Variants in MAGI2 observed in about 807,000 individuals in gnomAD.
MAGI2 encodes the protein membrane-associated guanylate kinase, WW and PDZ domain-containing protein 2.
A neutral mutation model predicts 133.3 loss-of-function variants in MAGI2; 35 were observed. That is an observed-to-expected ratio of 0.26 (90% CI 0.20 to 0.35). MAGI2 has a LOEUF of 0.35. Ranked by LOEUF, MAGI2 falls within the 10% of genes least tolerant of loss-of-function variation. The probability of loss-of-function intolerance (pLI) is 1.00; values close to 1 mark genes in which losing one functional copy is unlikely to be tolerated. For synonymous variants in MAGI2, 729 were observed against 710.6 expected (o/e 1.03, Z -0.41); for missense variants, 1,636 against 1,863.4 (o/e 0.88, Z 2.25).
At chr7:78,327,294 T>C (rs756546011) in intron 9 of MAGI2, among the ~76,000 whole-genome samples, 1 of 152,240 alleles carries the variant, frequency 6.6e-6, no homozygotes, top group Non-Finnish European at 1.5e-5. Context: ...GATGGCTTCA[T>C]TGCCATGTCT....
At position 79,104,401 on chromosome 7, in the gene MAGI2, G is replaced by A. The variant is rs568058150; in HGVS notation, c.302-97195C>T. On this transcript the variant is annotated intron_variant, in intron 1 of 21. Transcript: ENST00000354212. ...AACAATTTTTAGGCCGGGCGCCGTG[G>A]CTCTTACCTGTAATCCCAGCACTTT... Among the ~76,000 whole-genome samples the A allele has an allele frequency of 6.6e-5, 10 of 152,256 alleles. No individual in the cohort carries two copies. The South Asian group carries it at 1.7e-3, about 25-fold the overall frequency.
At chr7:78,692,598 T>C (rs529413682) in intron 2 of MAGI2, among the ~76,000 whole-genome samples, 1 of 152,180 alleles carries the variant, frequency 6.6e-6, no homozygotes, top group Non-Finnish European at 1.5e-5. Flanking sequence ...GGTCATTAAT[T>C]TTCCATATTT....
chr7:78,441,471 A>G (rs1440894140), intron 6 of MAGI2, among the ~76,000 whole-genome samples: 3 of 152,208 alleles, frequency 2.0e-5, no homozygotes, highest in African/African-American at 7.2e-5. Context: ...GGCAATAGCA[A>G]TTACTTGTGT....
intron 2 of MAGI2, among the ~76,000 whole-genome samples, chr7:78,776,554 A>T (rs1357707315): frequency 6.6e-6 from 1 of 152,232 alleles, no homozygotes; most frequent in African/African-American, 2.4e-5. Flanking sequence ...CCTATAAACA[A>T]GTCTTTTTTC....
chr7:78,207,357 A>G (rs1787206252), intron 10 of MAGI2, among the ~76,000 whole-genome samples: 1 of 152,216 alleles, frequency 6.6e-6, no homozygotes, highest in South Asian at 2.1e-4. Context: ...AGTTTCCCAA[A>G]GAGGAAAAAA....
In MAGI2 at chr7:78,343,876, C is replaced by T; in HGVS notation, c.1310G>A (p.Gly437Glu). 1 of 1,613,442 alleles carries T rather than the reference C, an allele frequency of 6.2e-7. No individual in the cohort carries two copies. The highest frequency in any genetic ancestry group is 8.5e-7 in the Non-Finnish European group (1 of 1,179,806). The change falls in exon 9 of 22, where the codon GGA becomes GAA. Residue 437 changes from glycine to glutamate, a missense_variant. Physicochemically the swap from Gly to Glu is moderately conservative, Grantham distance 98 (BLOSUM62 -2). This residue lies in a region of MAGI2 where 920 missense variants were observed against 1,093.5 expected (regional missense o/e 0.84). Transcript: ENST00000354212. ...TTLKKSNMGF[G>E]FTIIGGDEPD... ...CTCGTCTCCACCAATGATGGTAAATCCAAAGCCCATGTTGCTCTTTTTTAG... is the reference window on the plus strand; with the variant it reads ...CTCGTCTCCACCAATGATGGTAAATTCAAAGCCCATGTTGCTCTTTTTTAG...
intron 1 of MAGI2, among the ~76,000 whole-genome samples, chr7:79,451,529 A>G (rs921146251): frequency 1.3e-5 from 2 of 152,216 alleles, no homozygotes; most frequent in Admixed American, 1.3e-4. Flanking sequence ...TTGACTTATA[A>G]TAACCTATCT....
chr7:79,282,897 TTG>T (rs1835756795), intron 1 of MAGI2, among the ~76,000 whole-genome samples: 1 of 100,322 alleles, frequency 1.0e-5, no homozygotes, highest in Non-Finnish European at 2.6e-5. Context: ...AGTTAATTTT[TTG>T]ATATATAACA....
intron 21 of MAGI2, among the ~76,000 whole-genome samples, chr7:78,038,319 C>T (rs536986083): frequency 4.1e-4 from 62 of 152,178 alleles, no homozygotes; most frequent in African/African-American, 1.4e-3. Context: ...ATGAATATGG[C>T]GTATGTGTAT....
chr7:79,312,150 G>T (rs1215659973), intron 1 of MAGI2, among the ~76,000 whole-genome samples: 1 of 152,076 alleles, frequency 6.6e-6, no homozygotes, highest in Non-Finnish European at 1.5e-5. Flanking sequence ...TTTTTGTCAA[G>T]TAAATTCAAT....
At chr7:79,018,810 G>T (rs1809004000) in intron 1 of MAGI2, among the ~76,000 whole-genome samples, 1 of 152,132 alleles carries the variant, frequency 6.6e-6, no homozygotes, top group Non-Finnish European at 1.5e-5. Context: ...ATTACATAAA[G>T]GTAGAGGGCT....
chr7:78,235,100 C>T (rs532791349), intron 10 of MAGI2, among the ~76,000 whole-genome samples: 29 of 152,176 alleles, frequency 1.9e-4, no homozygotes, highest in African/African-American at 6.7e-4. Flanking sequence ...GAAAGATTCC[C>T]TCCCTCCACT....
chr7:78,509,673 A>C (rs1795403161), intron 4 of MAGI2, among the ~76,000 whole-genome samples: 1 of 152,208 alleles, frequency 6.6e-6, no homozygotes, highest in Non-Finnish European at 1.5e-5. Flanking sequence ...CTTCTCAGGT[A>C]CAAGACCAAT....
In MAGI2 at chr7:79,089,043, A is replaced by G. The variant is rs116391180; in HGVS notation, c.302-81837T>C. 7.5e-3 allele frequency among the ~76,000 whole-genome samples: 1,149 copies of G among 152,220 alleles called. 21 individuals are homozygous for G. The highest frequency in any genetic ancestry group is 0.026 in the African/African-American group (1,092 of 41,538). On this transcript the variant is annotated intron_variant, in intron 1 of 21. Transcript: ENST00000354212. Reference sequence around the variant, plus strand: ...CAGAATGGGAGAAAAAAATTTTCCAATCTATCCATCTGACAGAATCTAATG... The same window carrying G: ...CAGAATGGGAGAAAAAAATTTTCCAGTCTATCCATCTGACAGAATCTAATG...
chr7:78,304,268 G>A (rs1466683197), intron 9 of MAGI2, among the ~76,000 whole-genome samples: 1 of 152,076 alleles, frequency 6.6e-6, no homozygotes, highest in Non-Finnish European at 1.5e-5. Context: ...ATCCTTAACA[G>A]GGCTCATGCT....
At chr7:79,348,959 T>A (rs968456633) in intron 1 of MAGI2, among the ~76,000 whole-genome samples, 12 of 152,004 alleles carry the variant, frequency 7.9e-5, no homozygotes, top group African/African-American at 2.9e-4. Context: ...ACATCATTAC[T>A]TTTGACAAAT....
At chr7:78,044,699 GTGTGTGCA>G (rs761136033) in intron 21 of MAGI2, among the ~76,000 whole-genome samples, 10,729 of 122,036 alleles carry the variant, frequency 0.088, 382 homozygotes, top group South Asian at 0.088. Context: ...GTGTGTGTGT[GTGTGTGCA>G]CGTGTGCACA....
chr7:78,225,474 C>T (rs548309080), intron 10 of MAGI2, among the ~76,000 whole-genome samples: 13 of 152,194 alleles, frequency 8.5e-5, no homozygotes, highest in South Asian at 2.1e-4. Context: ...CTCAGCCTCC[C>T]GAGTAGCCAG....
At chr7:78,477,893 T>G (rs2150446344) in intron 6 of MAGI2, among the ~76,000 whole-genome samples, 1 of 151,636 alleles carries the variant, frequency 6.6e-6, no homozygotes, top group East Asian at 2.0e-4. Flanking sequence ...TTCTTATGGG[T>G]TTTAAATACA....
Sources: gnomAD v4.1 joint callset for allele counts (sites outside exome capture counted in the v4.1 genomes callset) on GRCh38, gnomAD v4.1.1 for gene constraint, gnomAD v4.1.1 regional missense constraint, MANE v1.5 for transcripts, NCBI Gene and HGNC (gene_info 2026-07-23, HGNC 2026-07-21) for gene names.